The following LRBA variants were observed in gnomAD, a reference collection of about 807,000 sequenced individuals.
The protein encoded by LRBA is lipopolysaccharide-responsive and beige-like anchor protein.
LRBA carries 176 observed loss-of-function variants against 330.0 expected under a neutral mutation model. The ratio of observed to expected loss-of-function variants is 0.53; its 90% CI spans 0.47 to 0.60. LRBA has a LOEUF of 0.60. Ranked by LOEUF, LRBA falls within the 20% of genes least tolerant of loss-of-function variation. The pLI is 0.00. For missense variants in LRBA, 3,259 were observed against 3,444.8 expected (o/e 0.95, Z 1.35); for synonymous variants, 1,230 against 1,193.0 (o/e 1.03, Z -0.64).
intron 40 of LRBA, among the ~76,000 whole-genome samples, chr4:150,557,238 T>G (rs1278530199): frequency 6.6e-6 from 1 of 152,204 alleles, no homozygotes; most frequent in African/African-American, 2.4e-5. Context: ...AAAGTAATTA[T>G]GACCACCAGT....
intron 47 of LRBA, among the ~76,000 whole-genome samples, chr4:150,367,634 A>C (rs1739646386): frequency 6.6e-6 from 1 of 152,208 alleles, no homozygotes; most frequent in Admixed American, 6.5e-5. Context: ...ACAGCTTTAC[A>C]CCTTTGGGCA....
At chr4:150,289,770 A>T (rs2126795064) in intron 53 of LRBA, among the ~76,000 whole-genome samples, 1 of 152,312 alleles carries the variant, frequency 6.6e-6, no homozygotes, top group South Asian at 2.1e-4. Context: ...ATAAATACCT[A>T]CTACTTGATT....
At chr4:150,267,119 T>C (rs1745449808) in intron 56 of LRBA, among the ~76,000 whole-genome samples, 1 of 152,102 alleles carries the variant, frequency 6.6e-6, no homozygotes, top group African/African-American at 2.4e-5. Context: ...TACCCCACTT[T>C]CAATAATGGG....
At chr4:150,777,972 CAAAAAAAAAAAAA>C (rs57988391) in intron 34 of LRBA, among the ~76,000 whole-genome samples, 70 of 65,626 alleles carry the variant, frequency 1.1e-3, no homozygotes, top group African/African-American at 2.2e-3. Context: ...GACTCTGTTT[CAAAAAAAAAAAAA>C]AAAAAAAAAA....
chr4:150,554,336 A>G (rs893658004), intron 40 of LRBA, among the ~76,000 whole-genome samples: 1 of 152,152 alleles, frequency 6.6e-6, no homozygotes, highest in Non-Finnish European at 1.5e-5. Context: ...TTTACTTTAC[A>G]TGTTGGATAC....
intron 42 of LRBA, among the ~76,000 whole-genome samples, chr4:150,484,799 C>T (rs925479377): frequency 6.6e-6 from 1 of 151,858 alleles, no homozygotes; most frequent in Non-Finnish European, 1.5e-5. Flanking sequence ...TATAATTCTA[C>T]ATTAGGCACT....
intron 40 of LRBA, among the ~76,000 whole-genome samples, chr4:150,511,951 C>T (rs570116514): frequency 7.2e-5 from 11 of 152,180 alleles, no homozygotes; most frequent in Non-Finnish European, 1.2e-4. Context: ...CTACCACAGG[C>T]CTCTTACAAA....
intron 25 of LRBA, 104 bp from the exon 26 acceptor site, chr4:150,849,102 A>G (rs1750265750): frequency 4.1e-6 from 3 of 740,112 alleles, no homozygotes; most frequent in African/African-American, 3.6e-5. Flanking sequence ...TCAGACTTTC[A>G]GAAACCTAGT....
chr4:150,414,972 T>C (rs899243156), intron 47 of LRBA, among the ~76,000 whole-genome samples: 1 of 152,250 alleles, frequency 6.6e-6, no homozygotes, highest in South Asian at 2.1e-4. Flanking sequence ...ACAAATTCAA[T>C]GTGCTTTTAA....
intron 34 of LRBA, among the ~76,000 whole-genome samples, chr4:150,796,232 A>G (rs1578808464): frequency 6.6e-6 from 1 of 152,080 alleles, no homozygotes; most frequent in East Asian, 1.9e-4. Flanking sequence ...TTAAGCTTTC[A>G]TGTAGAAAAA....
At chr4:150,455,645 C>G (rs1448446193) in intron 44 of LRBA, among the ~76,000 whole-genome samples, 1 of 152,086 alleles carries the variant, frequency 6.6e-6, no homozygotes, top group East Asian at 1.9e-4. Context: ...CCCCTTCAAG[C>G]ATTTATCCCT....
chr4:150,652,683 C>T (rs1056942599), intron 37 of LRBA, among the ~76,000 whole-genome samples: 2 of 152,108 alleles, frequency 1.3e-5, no homozygotes, highest in African/African-American at 2.4e-5. Context: ...TATTTAGATT[C>T]TTTCATCATT....
At chr4:150,663,922 G>C (rs1781347613) in intron 37 of LRBA, among the ~76,000 whole-genome samples, 1 of 151,998 alleles carries the variant, frequency 6.6e-6, no homozygotes, top group Non-Finnish European at 1.5e-5. Context: ...AAGACAAATG[G>C]GAACTCACCA....
intron 37 of LRBA, among the ~76,000 whole-genome samples, chr4:150,622,539 AAAAAG>A (rs1776396573): frequency 6.6e-6 from 1 of 152,170 alleles, no homozygotes; most frequent in Non-Finnish European, 1.5e-5. Flanking sequence ...CCTGTCTATA[AAAAAG>A]AAAAGAAATC....
intron 40 of LRBA, among the ~76,000 whole-genome samples, chr4:150,577,034 A>C (rs994522402): frequency 1.8e-4 from 27 of 151,962 alleles, no homozygotes; most frequent in African/African-American, 6.3e-4. Context: ...ACTATGGTGA[A>C]CTGTTCAAGG....
rs570326606 is a variant in LRBA, at chr4:150,808,340, T to C, written c.5364A>G (p.Gln1788=). Reference sequence around the variant, plus strand: ...AATACCTCATATTTGAAACCGGATCTTGTGAAACTGAATCAACTGTTGGAA... The same window carrying C: ...AATACCTCATATTTGAAACCGGATCCTGTGAAACTGAATCAACTGTTGGAA... ...PSVPTVDSVS[Q]DPVSNMSITE... The change falls in exon 32 of 57, where the codon CAA becomes CAG. Residue 1788 remains glutamine, a synonymous_variant. Transcript: ENST00000651943. 2 of 1,612,326 alleles carry C rather than the reference T, an allele frequency of 1.2e-6. No individual in the cohort carries two copies. The highest frequency in any genetic ancestry group is 8.5e-7 in the Non-Finnish European group (1 of 1,178,826).
intron 48 of LRBA, among the ~76,000 whole-genome samples, chr4:150,341,291 A>T (rs934743423): frequency 6.6e-6 from 1 of 152,086 alleles, no homozygotes; most frequent in South Asian, 2.1e-4. Flanking sequence ...CCTCCTGAGA[A>T]GCTGGAACTA....
At position 150,358,969 on chromosome 4, in the gene LRBA, C is replaced by T. The variant is rs374603342; in HGVS notation, c.7195-8810G>A. On this transcript the variant is annotated intron_variant, in intron 47 of 56. Transcript: ENST00000651943. ...TGCATGGCACCAATGATTCCCTGGACTGACTGCCATAAACTTATACTGGCA... is the reference window on the plus strand; with the variant it reads ...TGCATGGCACCAATGATTCCCTGGATTGACTGCCATAAACTTATACTGGCA... 8.5e-4 allele frequency among the ~76,000 whole-genome samples: 129 copies of T among 152,188 alleles called. 1 individual carries two copies. The highest frequency in any genetic ancestry group is 6.8e-3 in the Middle Eastern group (2 of 292).
At chr4:150,555,202 T>G (rs1217454294) in intron 40 of LRBA, among the ~76,000 whole-genome samples, 4 of 152,152 alleles carry the variant, frequency 2.6e-5, no homozygotes, top group African/African-American at 9.7e-5. Context: ...GGTGAACACT[T>G]CAGTTGTTTA....
Sources: gnomAD v4.1 joint callset for allele counts (sites outside exome capture counted in the v4.1 genomes callset) on GRCh38, gnomAD v4.1.1 for gene constraint, MANE v1.5 for transcripts, NCBI Gene and HGNC (gene_info 2026-07-23, HGNC 2026-07-21) for gene names.